Variants in GMDS observed in about 807,000 individuals in gnomAD.
The protein encoded by GMDS is GDP-mannose 4,6 dehydratase.
A neutral mutation model predicts 49.9 loss-of-function variants in GMDS; 20 were observed. The ratio of observed to expected loss-of-function variants is 0.40; its 90% CI spans 0.28 to 0.58. The LOEUF (loss-of-function observed/expected upper bound fraction) is 0.58. Among genes scored for constraint, GMDS ranks in the 20% least tolerant of loss-of-function variants. The probability of loss-of-function intolerance (pLI) is 0.42; values close to 1 mark genes in which losing one functional copy is unlikely to be tolerated. For synonymous variants in GMDS, 177 were observed against 178.6 expected, an observed-to-expected ratio of 0.99 and a Z score of 0.07; for missense variants, 362 against 481.4, an observed-to-expected ratio of 0.75 and a Z score of 2.32.
intron 7 of GMDS, among the ~76,000 whole-genome samples, chr6:1,916,054 G>T (rs1470494820): frequency 1.3e-5 from 2 of 152,234 alleles, no homozygotes. Context: ...AAGCTAAGCT[G>T]TACCTGAAGA....
chr6:1,936,308 G>C (rs569805444), intron 6 of GMDS, among the ~76,000 whole-genome samples: 1 of 152,326 alleles, frequency 6.6e-6, no homozygotes, highest in African/African-American at 2.4e-5. Flanking sequence ...CCCTAAGGCA[G>C]TCGCTGAAAT....
intron 4 of GMDS, among the ~76,000 whole-genome samples, chr6:1,969,261 C>CAAAAAA (rs761741871): frequency 3.5e-3 from 49 of 13,946 alleles, no homozygotes; most frequent in Non-Finnish European, 6.4e-3. Flanking sequence ...GGCTCCATCT[C>CAAAAAA]AAAAAAAAAA....
chr6:2,172,617 G>A (rs986146243), intron 1 of GMDS, among the ~76,000 whole-genome samples: 21 of 152,138 alleles, frequency 1.4e-4, no homozygotes, highest in Non-Finnish European at 2.9e-5. Flanking sequence ...GCTTGAACCC[G>A]GGAGGCGGAG....
intron 3 of GMDS, among the ~76,000 whole-genome samples, chr6:2,116,677 G>C (rs1031607026): frequency 6.6e-6 from 1 of 152,118 alleles, no homozygotes; most frequent in Non-Finnish European, 1.5e-5. Flanking sequence ...AATATGCAGG[G>C]GTCAGGGGTG....
chr6:1,665,108 A>T (rs1238031072), intron 9 of GMDS, among the ~76,000 whole-genome samples: 1 of 152,074 alleles, frequency 6.6e-6, no homozygotes, highest in Non-Finnish European at 1.5e-5. Flanking sequence ...AATTTTTTTT[A>T]TTATTATACT....
At position 1,823,183 on chromosome 6, in the gene GMDS, T is replaced by C. The variant is rs1205546199; in HGVS notation, c.772-80597A>G. Reference sequence around the variant, plus strand: ...GTACAACATACATAAAATTACCCAATTTTTATATTTAAATGCCCTCTAGAG... The same window carrying C: ...GTACAACATACATAAAATTACCCAACTTTTATATTTAAATGCCCTCTAGAG... On this transcript the variant is annotated intron_variant, in intron 7 of 10. Transcript: ENST00000380815. Among the ~76,000 whole-genome samples, 10 of 152,302 alleles carry C rather than the reference T, an allele frequency of 6.6e-5. No homozygotes were observed. The South Asian group carries it at 2.1e-3, about 32-fold the overall frequency.
chr6:2,236,041 C>G (rs1330229719), intron 1 of GMDS, among the ~76,000 whole-genome samples: 1 of 152,174 alleles, frequency 6.6e-6, no homozygotes, highest in Non-Finnish European at 1.5e-5. Flanking sequence ...AATAGTGTTT[C>G]TCTCTGGAGC....
chr6:2,031,560 G>C (rs1768966702), intron 4 of GMDS, among the ~76,000 whole-genome samples: 1 of 152,082 alleles, frequency 6.6e-6, no homozygotes, highest in Non-Finnish European at 1.5e-5. Flanking sequence ...TCTGAGATAG[G>C]GTGACCAGAG....
intron 4 of GMDS, among the ~76,000 whole-genome samples, chr6:2,040,440 T>A (rs1168477673): frequency 1.3e-5 from 2 of 152,206 alleles, no homozygotes; most frequent in African/African-American, 4.8e-5. Flanking sequence ...GAACATGGGT[T>A]AGGAAACAGT....
intron 9 of GMDS, among the ~76,000 whole-genome samples, chr6:1,667,705 T>TC (rs1275425761): frequency 2.7e-5 from 4 of 145,824 alleles, no homozygotes; most frequent in East Asian, 1.9e-4. Context: ...TTTTTTTTTC[T>TC]TTTTTTTTTG....
At chr6:1,845,557 C>A (rs1356674636) in intron 7 of GMDS, among the ~76,000 whole-genome samples, 1 of 152,188 alleles carries the variant, frequency 6.6e-6, no homozygotes, top group Non-Finnish European at 1.5e-5. Flanking sequence ...TTAAATTCTT[C>A]ACAGGGTACC....
At chr6:1,934,086 T>C (rs889916555) in intron 6 of GMDS, among the ~76,000 whole-genome samples, 4 of 152,248 alleles carry the variant, frequency 2.6e-5, no homozygotes, top group Non-Finnish European at 4.4e-5. Context: ...ACTTCATTCA[T>C]TTGCATGTTG....
chr6:1,737,739 CAT>C (rs1491172711), intron 8 of GMDS, among the ~76,000 whole-genome samples: 12 of 123,456 alleles, frequency 9.7e-5, no homozygotes, highest in Admixed American at 2.4e-4. Flanking sequence ...CACACACACA[CAT>C]ACACATACAC....
At chr6:1,774,288 A>G (rs2113589305) in intron 7 of GMDS, among the ~76,000 whole-genome samples, 1 of 152,346 alleles carries the variant, frequency 6.6e-6, no homozygotes, top group East Asian at 1.9e-4. Context: ...CATCACTCAC[A>G]TGTCACAGGC....
intron 1 of GMDS, among the ~76,000 whole-genome samples, chr6:2,137,333 CTTTT>C (rs79714655): frequency 1.5e-5 from 2 of 133,472 alleles, no homozygotes; most frequent in Non-Finnish European, 1.6e-5. Context: ...GCTATATTCC[CTTTT>C]TTTTTTTTTT....
chr6:1,819,776 A>AAAAAT (rs1446275838), intron 7 of GMDS, among the ~76,000 whole-genome samples: 1 of 103,548 alleles, frequency 9.7e-6, no homozygotes. Context: ...AAAAAAAAAA[A>AAAAAT]ATATATATAT....
chr6:2,026,281 T>C (rs1441676027), intron 4 of GMDS, among the ~76,000 whole-genome samples: 6 of 152,106 alleles, frequency 3.9e-5, no homozygotes, highest in Non-Finnish European at 7.4e-5. Context: ...AAAAGCTCCA[T>C]CTAGTCTTAG....
chr6:2,026,218 G>A (rs565285566), intron 4 of GMDS, among the ~76,000 whole-genome samples: 2 of 152,202 alleles, frequency 1.3e-5, no homozygotes, highest in East Asian at 1.9e-4. Context: ...CATGTGGCTC[G>A]CTCTTTATCT....
intron 1 of GMDS, among the ~76,000 whole-genome samples, chr6:2,178,604 C>G (rs1778388596): frequency 1.3e-5 from 2 of 152,100 alleles, no homozygotes; most frequent in Admixed American, 1.3e-4. Flanking sequence ...GACACAAATC[C>G]AAACCATATC....
Sources: gnomAD v4.1 joint callset for allele counts (sites outside exome capture counted in the v4.1 genomes callset) on GRCh38, gnomAD v4.1.1 for gene constraint, MANE v1.5 for transcripts, NCBI Gene and HGNC (gene_info 2026-07-23, HGNC 2026-07-21) for gene names.